EFCAB6: variants seen among roughly 807,000 people sequenced by gnomAD.
EFCAB6 encodes the protein EF-hand calcium binding domain 6.
EFCAB6 carries 156 observed loss-of-function variants against 169.8 expected under a neutral mutation model. That is an observed-to-expected ratio of 0.92 (90% CI 0.81 to 1.05). The LOEUF is 1.05. Ranked by LOEUF, EFCAB6 falls within the 50% of genes least tolerant of loss-of-function variation. The probability of loss-of-function intolerance (pLI) is 0.00; values close to 1 mark genes in which losing one functional copy is unlikely to be tolerated. For synonymous variants in EFCAB6, 698 were observed against 676.4 expected, an observed-to-expected ratio of 1.03 and a Z score of -0.50; for missense variants, 1,800 against 1,829.1, an observed-to-expected ratio of 0.98 and a Z score of 0.29.
intron 2 of EFCAB6, among the ~76,000 whole-genome samples, chr22:43,791,544 T>A (rs1569491543): frequency 6.6e-6 from 1 of 151,882 alleles, no homozygotes; most frequent in East Asian, 1.9e-4. Context: ...CAAAGGAGAC[T>A]GAGAAAGACC....
intron 22 of EFCAB6, among the ~76,000 whole-genome samples, chr22:43,605,511 T>C (rs1361963012): frequency 6.6e-6 from 1 of 152,082 alleles, no homozygotes; most frequent in Non-Finnish European, 1.5e-5. Context: ...AGCGTGGTGG[T>C]GCGTGCCTGT....
chr22:43,785,075 A>C (rs1822400933), intron 2 of EFCAB6, among the ~76,000 whole-genome samples: 1 of 152,184 alleles, frequency 6.6e-6, no homozygotes, highest in African/African-American at 2.4e-5. Flanking sequence ...TACTTCAACA[A>C]TTATAGTTAG....
rs140854710 is a variant in EFCAB6 at position 43,690,840 on chromosome 22, C to G, written c.1032-3259G>C. On this transcript the variant is annotated intron_variant, in intron 10 of 31. Transcript: ENST00000262726. ...TAGTTTCCTAGCTAATTCTACTCCT[C>G]TTTCAGGTCTCAATGCAATAACTGT... Among the ~76,000 whole-genome samples, 61 of 151,962 alleles carry G rather than the reference C, an allele frequency of 4.0e-4. No homozygotes were observed. In the Middle Eastern group the frequency reaches 0.02, roughly 51 times the overall value.
At chr22:43,749,972 G>A (rs2060697438) in intron 6 of EFCAB6, among the ~76,000 whole-genome samples, 1 of 152,168 alleles carries the variant, frequency 6.6e-6, no homozygotes, top group Non-Finnish European at 1.5e-5. Context: ...AGCTTGCTCA[G>A]GATCACTCAG....
chr22:43,732,847 C>G (rs1229152014), intron 7 of EFCAB6, among the ~76,000 whole-genome samples: 1 of 151,994 alleles, frequency 6.6e-6, no homozygotes, highest in Non-Finnish European at 1.5e-5. Context: ...AGCCTTCCAC[C>G]TGATAAATGG....
At chr22:43,714,761 C>A (rs2059275213) in intron 9 of EFCAB6, among the ~76,000 whole-genome samples, 1 of 151,866 alleles carries the variant, frequency 6.6e-6, no homozygotes. Context: ...ATGAAAAAAA[C>A]AAAGGGAATA....
intron 9 of EFCAB6, among the ~76,000 whole-genome samples, chr22:43,714,797 A>C (rs1236923460): frequency 1.3e-5 from 2 of 152,242 alleles, no homozygotes; most frequent in African/African-American, 4.8e-5. Context: ...TTTCCTAAGG[A>C]AATTACTTGA....
At chr22:43,711,949 T>C (rs779932804) in intron 9 of EFCAB6, among the ~76,000 whole-genome samples, 17 of 152,212 alleles carry the variant, frequency 1.1e-4, no homozygotes, top group Non-Finnish European at 2.2e-4. Flanking sequence ...TACTTTCAAG[T>C]TTTTCCCTAC....
At chr22:43,603,685 T>C (rs2052698951) in intron 22 of EFCAB6, among the ~76,000 whole-genome samples, 1 of 152,250 alleles carries the variant, frequency 6.6e-6, no homozygotes, top group Non-Finnish European at 1.5e-5. Context: ...TGAGGAGGTG[T>C]GGTATAAGCC....
intron 2 of EFCAB6, among the ~76,000 whole-genome samples, chr22:43,808,094 G>T (rs554182744): frequency 6.6e-6 from 1 of 152,282 alleles, no homozygotes; most frequent in South Asian, 2.1e-4. Flanking sequence ...AAATATTCAG[G>T]AAAAATATGG....
intron 4 of EFCAB6, among the ~76,000 whole-genome samples, chr22:43,770,357 A>T (rs1020454984): frequency 6.6e-6 from 1 of 152,200 alleles, no homozygotes; most frequent in African/African-American, 2.4e-5. Context: ...ACATACTCAA[A>T]TATGAACAGC....
At chr22:43,782,523 C>T (rs1004553139) in intron 2 of EFCAB6, among the ~76,000 whole-genome samples, 198 bp from the exon 3 acceptor site, 25 of 152,202 alleles carry the variant, frequency 1.6e-4, no homozygotes, top group African/African-American at 5.6e-4. Flanking sequence ...TTGTTTTCAG[C>T]ATATCCAATA....
chr22:43,642,096 C>T (rs536172348), intron 17 of EFCAB6, among the ~76,000 whole-genome samples: 65 of 152,248 alleles, frequency 4.3e-4, no homozygotes, highest in African/African-American at 1.5e-3. Flanking sequence ...CATGCGACAC[C>T]ACACCCGGCT....
chr22:43,593,540 T>C lies in EFCAB6; in HGVS notation c.2877-3311A>G, dbSNP rs543587734. Among the ~76,000 whole-genome samples the C allele has an allele frequency of 5.9e-5, 9 of 152,364 alleles. No individual in the cohort carries two copies. The East Asian group carries it at 1.3e-3, about 23-fold the overall frequency. On this transcript the variant is annotated intron_variant, in intron 23 of 31. Coordinates refer to ENST00000262726, the MANE Select transcript of EFCAB6 (RefSeq NM_022785.4). ...TTAGCTTTATGGCATATTTGATTTA[T>C]ACCAATCTTGCACATATTTTACTTC...
At chr22:43,660,367 C>G (rs1374292159) in intron 17 of EFCAB6, among the ~76,000 whole-genome samples, 1 of 152,066 alleles carries the variant, frequency 6.6e-6, no homozygotes, top group Non-Finnish European at 1.5e-5. Flanking sequence ...AAGTGTACAA[C>G]AGGCACCCTC....
At chr22:43,776,398 C>T (rs1439885891) in intron 3 of EFCAB6, among the ~76,000 whole-genome samples, 6 of 152,102 alleles carry the variant, frequency 3.9e-5, no homozygotes, top group Non-Finnish European at 8.8e-5. Flanking sequence ...GGAGGTGAGA[C>T]GACAGACAAG....
rs955770921 is a variant in EFCAB6 at position 43,628,586 on chromosome 22, G to C, written c.2233-1907C>G. Among the ~76,000 whole-genome samples, 1 of 152,106 alleles carries C rather than the reference G, an allele frequency of 6.6e-6. No homozygotes were observed. Among genetic ancestry groups the C allele is most frequent in the Admixed American group, 6.5e-5 (1 of 15,278 alleles). ...GCCAAGGCCTGGCCGTGGCCCACAA[G>C]CCTGTCTACACCCCCATCCCACCCG... On this transcript the variant is annotated intron_variant, in intron 19 of 31. Transcript: ENST00000262726. The surrounding 1 kb of genome is among the most constrained non-coding windows in gnomAD (Gnocchi z 4.8).
chr22:43,660,448 C>T (rs1228491718), intron 17 of EFCAB6, among the ~76,000 whole-genome samples: 1 of 152,118 alleles, frequency 6.6e-6, no homozygotes, highest in East Asian at 1.9e-4. Context: ...CCTCCTCCTC[C>T]CATAGGAACA....
rs1322235365 is a variant in EFCAB6, at chr22:43,572,805, C to A, written c.3420+3492G>T. On this transcript the variant is annotated intron_variant, in intron 26 of 31. Coordinates refer to ENST00000262726, the MANE Select transcript of EFCAB6 (RefSeq NM_022785.4). The surrounding 1 kb of genome is among the most constrained non-coding windows in gnomAD (Gnocchi z 4.0). ...TCTGTCCCCCTCGCTAGAATGGGGG[C>A]TTCTGGAGGCAGGGACTGCATTTGT... Among the ~76,000 whole-genome samples the A allele has an allele frequency of 6.6e-6, 1 of 152,374 alleles. No homozygotes were observed. The highest frequency in any genetic ancestry group is 1.9e-4 in the East Asian group (1 of 5,190).
Sources: gnomAD v4.1 joint callset for allele counts (sites outside exome capture counted in the v4.1 genomes callset) on GRCh38, gnomAD v4.1.1 for gene constraint, Gnocchi (gnomAD v3.1) non-coding constraint, MANE v1.5 for transcripts, NCBI Gene and HGNC (gene_info 2026-07-23, HGNC 2026-07-21) for gene names.